The following PCDH15 variants were observed in gnomAD, a reference collection of about 807,000 sequenced individuals.
The protein encoded by PCDH15 is protocadherin related 15, also known as protocadherin-15.
PCDH15 carries 129 observed loss-of-function variants against 178.5 expected under a neutral mutation model. That is an observed-to-expected ratio of 0.72 (90% CI 0.63 to 0.84). The LOEUF (loss-of-function observed/expected upper bound fraction) is 0.84. Ranked by LOEUF, PCDH15 falls within the 40% of genes least tolerant of loss-of-function variation. The pLI is 0.00. For synonymous variants in PCDH15, 800 were observed against 732.0 expected (o/e 1.09, Z -1.50); for missense variants, 2,230 against 2,099.9 (o/e 1.06, Z -1.21).
At chr10:54,722,774 G>T (rs974697858) in intron 1 of PCDH15, among the ~76,000 whole-genome samples, 5 of 151,360 alleles carry the variant, frequency 3.3e-5, no homozygotes, top group Non-Finnish European at 5.9e-5. Context: ...ACCAAATCAA[G>T]AATCAATCTC....
At chr10:55,558,055 C>T (rs551823076) in intron 2 of PCDH15, among the ~76,000 whole-genome samples, 2 of 152,180 alleles carry the variant, frequency 1.3e-5, no homozygotes, top group East Asian at 1.9e-4. Flanking sequence ...TGCCAACTGA[C>T]ATCTGCTAAC....
intron 8 of PCDH15, among the ~76,000 whole-genome samples, chr10:54,275,200 T>C (rs201759993): frequency 7.8e-6 from 1 of 128,738 alleles, no homozygotes; most frequent in African/African-American, 2.6e-5. Flanking sequence ...AGGAAAAAAA[T>C]ATATATATAC....
chr10:54,805,542 C>T (rs138192178), upstream of PCDH15, among the ~76,000 whole-genome samples: 5 of 152,070 alleles, frequency 3.3e-5, no homozygotes, highest in African/African-American at 1.2e-4. Flanking sequence ...TATTCTGACA[C>T]CCTTTTATTG....
At chr10:54,461,135 G>C (rs1320053553) in intron 3 of PCDH15, among the ~76,000 whole-genome samples, 1 of 151,854 alleles carries the variant, frequency 6.6e-6, no homozygotes, top group Non-Finnish European at 1.5e-5. Context: ...CAACATCAAA[G>C]AATATTCTTC....
intron 13 of PCDH15, among the ~76,000 whole-genome samples, chr10:54,177,960 A>T (rs922180108): frequency 6.6e-6 from 1 of 152,186 alleles, no homozygotes; most frequent in South Asian, 2.1e-4. Flanking sequence ...ATTACAGGGC[A>T]TTTAACTTTG....
chr10:54,765,180 G>A (rs1445211003), intron 1 of PCDH15, among the ~76,000 whole-genome samples: 1 of 152,032 alleles, frequency 6.6e-6, no homozygotes, highest in Non-Finnish European at 1.5e-5. Flanking sequence ...TAGGCCACGT[G>A]CATAAATATT....
chr10:54,010,427 C>T (rs1448952949), intron 20 of PCDH15, among the ~76,000 whole-genome samples: 1 of 152,168 alleles, frequency 6.6e-6, no homozygotes, highest in Admixed American at 6.5e-5. Context: ...TGCTGCTCCA[C>T]AGTCCTCATT....
At chr10:55,260,941 G>A (rs1247750703) in intron 1 of PCDH15, among the ~76,000 whole-genome samples, 1 of 152,080 alleles carries the variant, frequency 6.6e-6, no homozygotes, top group African/African-American at 2.4e-5. Context: ...CTTGTATAAT[G>A]AACAGATTCA....
At chr10:53,829,613 A>G (rs566090496) in intron 30 of PCDH15, among the ~76,000 whole-genome samples, 9 of 152,286 alleles carry the variant, frequency 5.9e-5, no homozygotes, top group African/African-American at 1.9e-4. Context: ...TAGCATATCA[A>G]TTGATTGGTT....
At chr10:54,774,340 TATAA>T (rs1591560871) in intron 1 of PCDH15, among the ~76,000 whole-genome samples, 1 of 152,042 alleles carries the variant, frequency 6.6e-6, no homozygotes, top group Non-Finnish European at 1.5e-5. Context: ...TTCATAGTCT[TATAA>T]ATAATTTACT....
chr10:55,462,023 G>A (rs1334529), intron 2 of PCDH15, among the ~76,000 whole-genome samples: 116,322 of 151,948 alleles, frequency 0.77, 45,889 homozygotes, highest in East Asian at 0.99. Context: ...TGAAAGAGTC[G>A]TGGTTTTGTG....
Position 54,722,754 on chromosome 10 carries a change from C to T in PCDH15, c.-28-58464G>A, listed in dbSNP as rs375518483. Among the ~76,000 whole-genome samples, 7 of 151,740 alleles carry T rather than the reference C, an allele frequency of 4.6e-5. No homozygotes were observed. In the East Asian group the frequency reaches 7.8e-4, roughly 17 times the overall value. ...AGCATTTCTATACACCAATAACATT[C>T]AAGCTGAGAACCAAATCAAGAATCA... is the stretch of plus-strand genomic sequence containing the variant. On this transcript the variant is annotated intron_variant, in intron 1 of 37. Transcript: ENST00000644397.
At position 55,201,779 on chromosome 10, in the gene PCDH15, TTC is replaced by T. The variant is rs1413437668; in HGVS notation, c.-155-35130_-155-35129del. 2.0e-5 allele frequency among the ~76,000 whole-genome samples: 3 copies of T among 152,216 alleles called. No individual in the cohort carries two copies. The East Asian group carries it at 5.8e-4, about 29-fold the overall frequency. On this transcript the variant is annotated intron_variant, in intron 1 of 5. Coordinates refer to the PCDH15 transcript ENST00000458638. ...CTCCCTTTCCTTCTCAGATTATGACTTCTAAGCTTTTTTGGTGGAATACTGCT... is the reference window on the plus strand; with the variant it reads ...CTCCCTTTCCTTCTCAGATTATGACTTAAGCTTTTTTGGTGGAATACTGCT...
intron 2 of PCDH15, among the ~76,000 whole-genome samples, chr10:55,139,564 A>T (rs957485479): frequency 6.6e-6 from 1 of 152,008 alleles, no homozygotes; most frequent in Non-Finnish European, 1.5e-5. Flanking sequence ...TCTTCATTAA[A>T]TTGCTTTTGC....
At chr10:54,495,946 ATCT>A (rs2080071688) in intron 3 of PCDH15, among the ~76,000 whole-genome samples, 1 of 152,172 alleles carries the variant, frequency 6.6e-6, no homozygotes, top group South Asian at 2.1e-4. Context: ...CATTTCAGAA[ATCT>A]TAAGAATAGG....
intron 8 of PCDH15, among the ~76,000 whole-genome samples, chr10:54,261,665 C>T (rs56084271): frequency 0.68 from 103,483 of 151,254 alleles, 36,347 homozygotes; most frequent in Middle Eastern, 0.76. Context: ...TCTTAACACA[C>T]ATATGCATAT....
At chr10:53,809,471 T>C in intron 37 of PCDH15, 1 of 1,613,996 alleles carries the variant, frequency 6.2e-7, no homozygotes, top group Non-Finnish European at 8.5e-7. Flanking sequence ...GGTTTTTCGA[T>C]AGTTACAACT....
intron 2 of PCDH15, among the ~76,000 whole-genome samples, chr10:54,641,731 CT>C (rs2093994492): frequency 2.3e-5 from 1 of 43,478 alleles, no homozygotes. Flanking sequence ...ATATTGCTAA[CT>C]GTTTATTTCA....
intron 2 of PCDH15, among the ~76,000 whole-genome samples, chr10:54,968,039 A>G (rs897871953): frequency 6.6e-6 from 1 of 152,118 alleles, no homozygotes; most frequent in African/African-American, 2.4e-5. Flanking sequence ...TAACATACGC[A>G]TTTTGGGGAG....
Sources: gnomAD v4.1 joint callset for allele counts (sites outside exome capture counted in the v4.1 genomes callset) on GRCh38, gnomAD v4.1.1 for gene constraint, MANE v1.5 for transcripts, NCBI Gene and HGNC (gene_info 2026-07-23, HGNC 2026-07-21) for gene names.